NRXN3: variants seen among roughly 807,000 people sequenced by gnomAD.
The protein encoded by NRXN3 is neurexin III.
Under a neutral mutation model 137.6 loss-of-function variants are expected in NRXN3, and 32 were observed. That is an observed-to-expected ratio of 0.23 (90% CI 0.18 to 0.31). The LOEUF (loss-of-function observed/expected upper bound fraction) is 0.31. NRXN3 is among the 10% of genes least tolerant of loss of function. The probability of loss-of-function intolerance (pLI) is 1.00; values close to 1 mark genes in which losing one functional copy is unlikely to be tolerated. For missense variants in NRXN3, 1,574 were observed against 2,062.5 expected (o/e 0.76, Z 4.59); for synonymous variants, 798 against 784.5 (o/e 1.02, Z -0.29).
chr14:78,936,165 C>A lies in NRXN3; in HGVS notation c.2276-21077C>A, dbSNP rs552275728. 7.2e-5 allele frequency among the ~76,000 whole-genome samples: 11 copies of A among 152,296 alleles called. No individual in the cohort carries two copies. In the South Asian group the frequency reaches 1.9e-3, roughly 26 times the overall value. On this transcript the variant is annotated intron_variant, in intron 10 of 20. Coordinates refer to ENST00000335750, the MANE Select transcript of NRXN3 (RefSeq NM_001330195.2). ...CTTCACAGCTCATAATCCCTCTCCT[C>A]CCCAATGTACACAAACACACCCACC...
At chr14:79,452,559 G>T (rs1467974432) in intron 15 of NRXN3, among the ~76,000 whole-genome samples, 1 of 152,114 alleles carries the variant, frequency 6.6e-6, no homozygotes, top group Non-Finnish European at 1.5e-5. Context: ...CCTTATTCCA[G>T]GGCCTGATGA....
intron 20 of NRXN3, among the ~76,000 whole-genome samples, chr14:79,832,727 C>G (rs74990614): frequency 0.028 from 4,304 of 152,004 alleles, 188 homozygotes; most frequent in African/African-American, 0.099. Flanking sequence ...CACAGGATTC[C>G]TATGGGGCTC....
intron 10 of NRXN3, among the ~76,000 whole-genome samples, chr14:78,822,570 G>A (rs952177166): frequency 2.0e-5 from 3 of 151,994 alleles, no homozygotes; most frequent in Non-Finnish European, 4.4e-5. Flanking sequence ...AGCTACTTGG[G>A]AGGCTGAGGC....
At chr14:79,321,034 T>C (rs1430118986) in intron 15 of NRXN3, among the ~76,000 whole-genome samples, 1 of 152,180 alleles carries the variant, frequency 6.6e-6, no homozygotes, top group African/African-American at 2.4e-5. Flanking sequence ...TTTGTAATTT[T>C]ATTCAGCTGA....
intron 19 of NRXN3, among the ~76,000 whole-genome samples, chr14:79,712,119 G>T (rs1204118460): frequency 6.6e-6 from 1 of 152,138 alleles, no homozygotes; most frequent in Non-Finnish European, 1.5e-5. Flanking sequence ...AATAACAAAA[G>T]AAAAACAGTA....
chr14:78,945,890 G>A (rs564417745), intron 10 of NRXN3, among the ~76,000 whole-genome samples: 3 of 152,210 alleles, frequency 2.0e-5, no homozygotes, highest in Admixed American at 2.0e-4. Flanking sequence ...AAGAGAGCTA[G>A]CAGAGCCATG....
chr14:78,864,500 G>A (rs949601342), intron 10 of NRXN3, among the ~76,000 whole-genome samples: 53 of 151,972 alleles, frequency 3.5e-4, no homozygotes, highest in African/African-American at 6.5e-4. Flanking sequence ...TTATCCTTTC[G>A]GTGCTTCACC....
intron 15 of NRXN3, among the ~76,000 whole-genome samples, chr14:79,378,753 T>G (rs1251882504): frequency 2.6e-5 from 4 of 152,210 alleles, no homozygotes; most frequent in Non-Finnish European, 4.4e-5. Context: ...ATTCATTTAT[T>G]TTTTGAATGA....
chr14:79,054,719 G>A (rs1344701564), intron 15 of NRXN3, among the ~76,000 whole-genome samples: 2 of 152,080 alleles, frequency 1.3e-5, no homozygotes, highest in Non-Finnish European at 2.9e-5. Flanking sequence ...CCACTTACAA[G>A]CTTTCCTTTA....
At chr14:79,738,456 TCTTCAGA>T (rs1309491103) in intron 19 of NRXN3, among the ~76,000 whole-genome samples, 49 of 152,140 alleles carry the variant, frequency 3.2e-4, no homozygotes, top group Admixed American at 3.2e-3. Context: ...TCTTTTAGGG[TCTTCAGA>T]GAGAATGTGG....
In NRXN3 at chr14:78,255,355, C is replaced by T. The variant is rs568944511; in HGVS notation, c.709+11553C>T. On this transcript the variant is annotated intron_variant, in intron 2 of 20. Transcript: ENST00000335750. ...CCACACGCATGTGCTGGGAAGTGGG[C>T]GTGACCACCTCACACCATCATGTGG... Among the ~76,000 whole-genome samples the T allele has an allele frequency of 1.1e-3, 174 of 152,272 alleles. 1 individual carries two copies. Among genetic ancestry groups the T allele is most frequent in the Non-Finnish European group, 2.0e-3 (137 of 68,022 alleles).
chr14:79,380,126 C>G (rs758684378), intron 15 of NRXN3, among the ~76,000 whole-genome samples: 7 of 146,538 alleles, frequency 4.8e-5, no homozygotes, highest in East Asian at 2.0e-4. Flanking sequence ...GGGCAGGGAA[C>G]AGGAGACCTA....
intron 7 of NRXN3, among the ~76,000 whole-genome samples, chr14:78,714,209 C>T (rs1001062106): frequency 6.6e-6 from 1 of 152,184 alleles, no homozygotes; most frequent in Non-Finnish European, 1.5e-5. Flanking sequence ...AGAGGAAGTT[C>T]CATCTTTTGG....
intron 4 of NRXN3, among the ~76,000 whole-genome samples, chr14:78,309,712 G>A (rs574425070): frequency 2.6e-5 from 4 of 152,006 alleles, no homozygotes; most frequent in Non-Finnish European, 5.9e-5. Context: ...GACATGAAAC[G>A]CTTTTTTATG....
At chr14:79,353,795 G>A (rs533696601) in intron 15 of NRXN3, among the ~76,000 whole-genome samples, 3 of 152,062 alleles carry the variant, frequency 2.0e-5, no homozygotes, top group South Asian at 2.1e-4. Flanking sequence ...ATGGTCCGGC[G>A]TCTTTAGTCA....
chr14:79,681,147 G>T (rs1303579143), intron 17 of NRXN3, among the ~76,000 whole-genome samples: 2 of 152,112 alleles, frequency 1.3e-5, no homozygotes, highest in African/African-American at 4.8e-5. Context: ...GGCAACAGGG[G>T]CCCAGCTGTC....
intron 10 of NRXN3, among the ~76,000 whole-genome samples, chr14:78,815,496 T>TTTG (rs1424877386): frequency 2.1e-5 from 3 of 143,006 alleles, no homozygotes; most frequent in Admixed American, 2.1e-4. Flanking sequence ...TTTTTTTTTT[T>TTTG]TTTTTGCCTT....
chr14:78,810,801 A>G (rs73319748), intron 10 of NRXN3, among the ~76,000 whole-genome samples: 4,097 of 152,218 alleles, frequency 0.027, 204 homozygotes, highest in African/African-American at 0.093. Flanking sequence ...CCCAGTATTT[A>G]TCTCTGTTGG....
intron 4 of NRXN3, among the ~76,000 whole-genome samples, chr14:78,593,653 A>C (rs1451758733): frequency 6.6e-6 from 1 of 152,048 alleles, no homozygotes; most frequent in Non-Finnish European, 1.5e-5. Flanking sequence ...TGGAGATGCC[A>C]GTAGCTGTAA....
Sources: gnomAD v4.1 joint callset for allele counts (sites outside exome capture counted in the v4.1 genomes callset) on GRCh38, gnomAD v4.1.1 for gene constraint, MANE v1.5 for transcripts, NCBI Gene and HGNC (gene_info 2026-07-23, HGNC 2026-07-21) for gene names.